The following MYO1E variants were observed in gnomAD, a reference collection of about 807,000 sequenced individuals.
MYO1E encodes the protein unconventional myosin-Ie.
A neutral mutation model predicts 151.1 loss-of-function variants in MYO1E; 68 were observed. That is an observed-to-expected ratio of 0.45 (90% CI 0.37 to 0.55). The LOEUF is 0.55. MYO1E is among the 20% of genes least tolerant of loss of function. The pLI, the probability that MYO1E is intolerant of heterozygous loss-of-function variation, is 0.00. For synonymous variants in MYO1E, 601 were observed against 501.7 expected (o/e 1.20, Z -2.64); for missense variants, 1,363 against 1,389.3 (o/e 0.98, Z 0.30).
At chr15:59,294,057 A>G (rs1178701807) in intron 1 of MYO1E, among the ~76,000 whole-genome samples, 2 of 152,188 alleles carry the variant, frequency 1.3e-5, no homozygotes, top group Non-Finnish European at 2.9e-5. Context: ...AAACAAAATA[A>G]CAACAGAAAC....
rs2080859087 is a variant in MYO1E at position 59,357,190 on chromosome 15, G to GCCA, written c.3+15305_3+15307dup. Among the ~76,000 whole-genome samples, 3 of 152,126 alleles carry GCCA rather than the reference G, an allele frequency of 2.0e-5. No homozygotes were observed. The South Asian group carries it at 6.2e-4, about 32-fold the overall frequency. On this transcript the variant is annotated intron_variant, in intron 1 of 27. Transcript: ENST00000288235. ...CAAAGTGCTGGGATTACAGGTGTGA[G>GCCA]CCACCGTGCCTGGTCCTCTCATTAA... is the stretch of plus-strand genomic sequence containing the variant.
intron 1 of MYO1E, among the ~76,000 whole-genome samples, chr15:59,343,207 T>G (rs1291144605): frequency 6.6e-6 from 1 of 152,146 alleles, no homozygotes; most frequent in Non-Finnish European, 1.5e-5. Flanking sequence ...GGTTGATAAA[T>G]CCCTCAGCTT....
intron 4 of MYO1E, among the ~76,000 whole-genome samples, chr15:59,241,323 C>T (rs987228985): frequency 6.6e-6 from 1 of 151,990 alleles, no homozygotes. Flanking sequence ...AGCAAGATCT[C>T]GTTTCTTAAA....
chr15:59,248,466 G>A lies in MYO1E; in HGVS notation c.332+7818C>T, dbSNP rs140719120. On this transcript the variant is annotated intron_variant, in intron 4 of 27. Coordinates refer to ENST00000288235, the MANE Select transcript of MYO1E (RefSeq NM_004998.4). ...CACACCACTGAACTCCAGCCTGAAC[G>A]ACAGGGTGAGACTCCATCTCAAAAA... 7.2e-3 allele frequency among the ~76,000 whole-genome samples: 816 copies of A among 112,884 alleles called. 7 individuals are homozygous for A. The highest frequency in any genetic ancestry group is 0.026 in the African/African-American group (752 of 29,144). The allele number at this position is 112,884 out of a possible 152,430, so 74.1% of individuals were successfully genotyped here. A position where few individuals can be genotyped will look rare whatever the true frequency, so the allele number is the denominator to read the frequency against.
chr15:59,341,016 C>CAAAAAAAAAAAAAAAAAAAAAAAAAAA (rs35367694), intron 1 of MYO1E, among the ~76,000 whole-genome samples: 1 of 86,282 alleles, frequency 1.2e-5, no homozygotes, highest in African/African-American at 4.5e-5. Flanking sequence ...GACTCCATCT[C>CAAAAAAAAAAAAAAAAAAAAAAAAAAA]AAAAAAAAAA....
In MYO1E at chr15:59,174,255, A is replaced by G. The variant is rs1353391194; in HGVS notation, c.2050-15T>C. 8.2e-6 allele frequency: 13 copies of G among 1,578,828 alleles called. No individual in the cohort carries two copies. The highest frequency in any genetic ancestry group is 1.3e-5 in the African/African-American group (1 of 74,148). On this transcript the variant is annotated splice_polypyrimidine_tract_variant and intron_variant, in intron 19 of 27. Coordinates refer to ENST00000288235, the MANE Select transcript of MYO1E (RefSeq NM_004998.4). ...AAAAGAAATAGCTGTGAATGGAGAG[A>G]AGACAAATGTGAGCCAAGCCCCAAG...
intron 1 of MYO1E, among the ~76,000 whole-genome samples, chr15:59,329,495 T>C (rs1257091014): frequency 6.6e-6 from 1 of 152,190 alleles, no homozygotes; most frequent in Admixed American, 6.5e-5. Flanking sequence ...ACATTTCGGG[T>C]AGCCCCAAAC....
At chr15:59,189,186 C>T (rs371948800) in intron 17 of MYO1E, among the ~76,000 whole-genome samples, 29 of 151,948 alleles carry the variant, frequency 1.9e-4, no homozygotes, top group Admixed American at 5.2e-4. Context: ...CAGGCTCCTG[C>T]GCAGTTGGGA....
chr15:59,204,663 CCCCTA>C (rs139152129), intron 15 of MYO1E, among the ~76,000 whole-genome samples: 282 of 152,292 alleles, frequency 1.9e-3, no homozygotes, highest in African/African-American at 6.6e-3. Flanking sequence ...CCCTCTTCTA[CCCCTA>C]CAGCTGAAAC....
intron 26 of MYO1E, among the ~76,000 whole-genome samples, chr15:59,138,861 G>C (rs2079390053): frequency 6.6e-6 from 1 of 152,090 alleles, no homozygotes; most frequent in African/African-American, 2.4e-5. Flanking sequence ...AATACCCCTA[G>C]CCAATATTTG....
rs1345547447 is a variant in MYO1E at position 59,137,392 on chromosome 15, C to A, written c.3315G>T (p.Val1105=). 1.9e-6 allele frequency: 3 copies of A among 1,614,030 alleles called. No homozygotes were observed. Among genetic ancestry groups the A allele is most frequent in the African/African-American group, 1.3e-5 (1 of 74,932 alleles). Residue 1105 remains valine, a synonymous_variant, in exon 28 of 28, where the codon GTG becomes GTT. Coordinates refer to ENST00000288235, the MANE Select transcript of MYO1E (RefSeq NM_004998.4). ...AGTCACGGGCACCTCAGATCTTGGT[C>A]ACATAGTTGTTGGGGAACAGGCCCT... The part of the protein sequence containing the change: ...GKQGLFPNNY[V]TKI
At chr15:59,222,296 C>G (rs2079960878) in intron 9 of MYO1E, among the ~76,000 whole-genome samples, 1 of 152,162 alleles carries the variant, frequency 6.6e-6, no homozygotes, top group African/African-American at 2.4e-5. Context: ...AGAATGTCTT[C>G]CTGGGTGGTT....
At chr15:59,197,783 T>C (rs1315998025) in intron 16 of MYO1E, among the ~76,000 whole-genome samples, 1 of 152,256 alleles carries the variant, frequency 6.6e-6, no homozygotes, top group African/African-American at 2.4e-5. Flanking sequence ...AGGCTGTGAA[T>C]AATTAATTTC....
At chr15:59,294,553 A>C (rs1335285437) in intron 1 of MYO1E, among the ~76,000 whole-genome samples, 2 of 152,196 alleles carry the variant, frequency 1.3e-5, no homozygotes, top group Non-Finnish European at 1.5e-5. Flanking sequence ...TGGAAATGCC[A>C]GTATCTTTGC....
At chr15:59,341,522 T>C (rs1015378537) in intron 1 of MYO1E, 4 of 152,308 alleles carry the variant, frequency 2.6e-5, no homozygotes, top group South Asian at 4.1e-4. Flanking sequence ...CTGGTAACCA[T>C]CATTCTATTC....
At chr15:59,366,684 A>T (rs189733951) in intron 1 of MYO1E, among the ~76,000 whole-genome samples, 7 of 152,194 alleles carry the variant, frequency 4.6e-5, no homozygotes, top group Non-Finnish European at 1.0e-4. Context: ...TTACAGTTGT[A>T]CTTCTCTTAA....
intron 4 of MYO1E, among the ~76,000 whole-genome samples, 175 bp from the exon 5 acceptor site, chr15:59,236,847 T>G (rs771277066): frequency 7.2e-5 from 11 of 152,212 alleles, no homozygotes; most frequent in Non-Finnish European, 1.5e-4. Flanking sequence ...ACAGCAGGAT[T>G]AGGTCGCCCA....
chr15:59,249,209 A>G (rs140271003), intron 4 of MYO1E, among the ~76,000 whole-genome samples: 3,112 of 152,150 alleles, frequency 0.02, 118 homozygotes, highest in African/African-American at 0.071. Flanking sequence ...GGATCACGAG[A>G]TCAAGAGATC....
intron 1 of MYO1E, among the ~76,000 whole-genome samples, chr15:59,304,129 C>T (rs755483907): frequency 2.6e-5 from 4 of 151,830 alleles, no homozygotes; most frequent in Non-Finnish European, 5.9e-5. Flanking sequence ...ATTACAGGCA[C>T]ACACCGCCAC....
Sources: gnomAD v4.1 joint callset for allele counts (sites outside exome capture counted in the v4.1 genomes callset) on GRCh38, gnomAD v4.1.1 for gene constraint, MANE v1.5 for transcripts, NCBI Gene and HGNC (gene_info 2026-07-23, HGNC 2026-07-21) for gene names.